The following NBEA variants were observed in gnomAD, a reference collection of about 807,000 sequenced individuals.
The protein encoded by NBEA is lysosomal-trafficking regulator 2.
A neutral mutation model predicts 343.4 loss-of-function variants in NBEA; 44 were observed. The ratio of observed to expected loss-of-function variants is 0.13; its 90% CI spans 0.10 to 0.16. The LOEUF (loss-of-function observed/expected upper bound fraction) is 0.16. Ranked by LOEUF, NBEA falls within the 10% of genes least tolerant of loss-of-function variation. The pLI, the probability that NBEA is intolerant of heterozygous loss-of-function variation, is 1.00. For synonymous variants in NBEA, 1,175 were observed against 1,238.7 expected (o/e 0.95, Z 1.08); for missense variants, 2,555 against 3,631.3 (o/e 0.70, Z 7.62).
intron 45 of NBEA, among the ~76,000 whole-genome samples, chr13:35,572,439 C>T (rs913230891): frequency 7.2e-5 from 11 of 152,126 alleles, no homozygotes; most frequent in African/African-American, 2.2e-4. Context: ...ACCCATTCAT[C>T]GAGTGGAAAA....
At chr13:35,602,289 C>G (rs2082088301) in intron 47 of NBEA, among the ~76,000 whole-genome samples, 1 of 152,160 alleles carries the variant, frequency 6.6e-6, no homozygotes, top group East Asian at 1.9e-4. Context: ...CATACACTAA[C>G]TTTAAATAAA....
chr13:35,572,527 A>G (rs1211686413), intron 45 of NBEA, among the ~76,000 whole-genome samples: 2 of 152,232 alleles, frequency 1.3e-5, no homozygotes, highest in Non-Finnish European at 2.9e-5. Context: ...TTATTATGCC[A>G]CTTAATAAAA....
intron 31 of NBEA, among the ~76,000 whole-genome samples, chr13:35,199,339 A>G (rs754721749): frequency 1.3e-5 from 2 of 152,168 alleles, no homozygotes; most frequent in Non-Finnish European, 2.9e-5. Flanking sequence ...AATGAGATCC[A>G]GGATGACAGG....
chr13:35,350,914 C>A (rs1308217978), intron 37 of NBEA, among the ~76,000 whole-genome samples: 1 of 151,822 alleles, frequency 6.6e-6, no homozygotes, highest in Admixed American at 6.6e-5. Context: ...TAGATGGGTA[C>A]TTCACAGTTA....
intron 17 of NBEA, among the ~76,000 whole-genome samples, chr13:35,128,013 C>T (rs1416338527): frequency 3.5e-5 from 5 of 141,294 alleles, no homozygotes; most frequent in Non-Finnish European, 7.5e-5. Context: ...ACCCAAAAAC[C>T]AAAGTGGTTT....
Position 35,671,072 on chromosome 13 carries a change from A to G in NBEA, c.*81A>G, listed in dbSNP as rs1370559371. The stretch of plus-strand genomic sequence containing the variant: ...AAAGGCAATATCTCTGGTGGAAAAA[A>G]CTCGTCTACATCGACCTCCGTTTGT... On this transcript the variant is annotated 3_prime_UTR_variant, in exon 59 of 59. Transcript: ENST00000379939. 1.0e-6 allele frequency: 1 copy of G among 969,158 alleles called. No homozygotes were observed. The highest frequency in any genetic ancestry group is 1.6e-6 in the Non-Finnish European group (1 of 633,912). 60.0% of individuals were successfully genotyped at this position (969,158 alleles called of 1,614,324 possible). A position where few individuals can be genotyped will look rare whatever the true frequency, so the allele number is the denominator to read the frequency against.
intron 36 of NBEA, among the ~76,000 whole-genome samples, chr13:35,310,121 A>C (rs2037259274): frequency 6.6e-6 from 1 of 152,088 alleles, no homozygotes; most frequent in South Asian, 2.1e-4. Context: ...TTAAAATCGC[A>C]GTGCCAAAAA....
chr13:35,374,909 G>A (rs374892019), intron 38 of NBEA, among the ~76,000 whole-genome samples: 1 of 151,918 alleles, frequency 6.6e-6, no homozygotes, highest in East Asian at 1.9e-4. Flanking sequence ...CAAATACACA[G>A]GAATGCATGC....
intron 38 of NBEA, among the ~76,000 whole-genome samples, chr13:35,405,991 T>C (rs1355275399): frequency 6.6e-6 from 1 of 151,980 alleles, no homozygotes; most frequent in Non-Finnish European, 1.5e-5. Flanking sequence ...GTATAAGAGC[T>C]CTAAAAAGGT....
intron 41 of NBEA, chr13:35,474,530 T>C (rs17759841): frequency 0.029 from 4,459 of 152,910 alleles, 116 homozygotes; most frequent in Non-Finnish European, 0.046. Context: ...GTGGAAAATG[T>C]CTGGAAGTAT....
At chr13:35,234,313 C>T (rs1593862979) in intron 34 of NBEA, among the ~76,000 whole-genome samples, 4 of 152,108 alleles carry the variant, frequency 2.6e-5, no homozygotes, top group South Asian at 4.2e-4. Flanking sequence ...TCAAAGCAGC[C>T]GCAAAATGAA....
intron 26 of NBEA, among the ~76,000 whole-genome samples, chr13:35,172,156 A>G (rs991362634): frequency 6.6e-6 from 1 of 152,090 alleles, no homozygotes; most frequent in Non-Finnish European, 1.5e-5. Flanking sequence ...CCTGATATGT[A>G]CTGTTTTCAC....
intron 9 of NBEA, 37 bp downstream of exon 9, chr13:35,070,142 A>G: frequency 1.4e-6 from 2 of 1,426,416 alleles, no homozygotes; most frequent in South Asian, 1.5e-5. Context: ...TGTTCTTGTC[A>G]GAATTTGACA....
chr13:35,298,523 T>C (rs906084557), intron 35 of NBEA, among the ~76,000 whole-genome samples: 17 of 151,968 alleles, frequency 1.1e-4, no homozygotes, highest in African/African-American at 3.9e-4. Flanking sequence ...CACATTTGAA[T>C]GTGAGAAACT....
intron 41 of NBEA, among the ~76,000 whole-genome samples, chr13:35,529,352 T>C (rs949364859): frequency 6.6e-6 from 1 of 152,230 alleles, no homozygotes; most frequent in African/African-American, 2.4e-5. Flanking sequence ...AGTCTATTTT[T>C]AGAAATCAAA....
intron 30 of NBEA, among the ~76,000 whole-genome samples, chr13:35,188,510 G>T (rs985277224): frequency 1.3e-5 from 2 of 151,972 alleles, no homozygotes; most frequent in African/African-American, 4.8e-5. Context: ...TTTTATGTCT[G>T]ACTTAATTTA....
At chr13:35,322,420 G>A (rs2038223148) in intron 36 of NBEA, among the ~76,000 whole-genome samples, 2 of 152,200 alleles carry the variant, frequency 1.3e-5, no homozygotes, top group Admixed American at 6.5e-5. Context: ...ACCCACCGTG[G>A]ACTGCACCCA....
chr13:35,147,360 C>T (rs2068497507), intron 18 of NBEA, among the ~76,000 whole-genome samples: 1 of 152,210 alleles, frequency 6.6e-6, no homozygotes, highest in African/African-American at 2.4e-5. Context: ...GCCCAGAATT[C>T]CTTCATGAAT....
At chr13:35,662,282 C>T (rs2085129571) in intron 55 of NBEA, among the ~76,000 whole-genome samples, 1 of 152,194 alleles carries the variant, frequency 6.6e-6, no homozygotes, top group Non-Finnish European at 1.5e-5. Context: ...TCTAGTCATT[C>T]CAGCACACGG....
Sources: gnomAD v4.1 joint callset for allele counts (sites outside exome capture counted in the v4.1 genomes callset) on GRCh38, gnomAD v4.1.1 for gene constraint, MANE v1.5 for transcripts, NCBI Gene and HGNC (gene_info 2026-07-23, HGNC 2026-07-21) for gene names.